The following ITGBL1 variants were observed in gnomAD, a reference collection of about 807,000 sequenced individuals.
ITGBL1 encodes the protein integrin beta-like protein 1.
In ITGBL1, 51 loss-of-function variants were observed where a neutral mutation model predicts 68.5. The observed-to-expected ratio is 0.74, with a 90% CI of 0.59 to 0.94. ITGBL1 has a LOEUF of 0.94. Among genes scored for constraint, ITGBL1 ranks in the 40% least tolerant of loss-of-function variants. The pLI is 0.00. For synonymous variants in ITGBL1, 209 were observed against 227.3 expected (o/e 0.92, Z 0.72); for missense variants, 649 against 647.4 (o/e 1.00, Z -0.03).
chr13:101,634,819 G>A (rs1441426086), intron 7 of ITGBL1, among the ~76,000 whole-genome samples: 1 of 152,014 alleles, frequency 6.6e-6, no homozygotes, highest in Non-Finnish European at 1.5e-5. Context: ...TATTTGCAAG[G>A]GGCAGGGATA....
chr13:101,530,019 T>C (rs1325080654), intron 2 of ITGBL1, among the ~76,000 whole-genome samples: 2 of 152,094 alleles, frequency 1.3e-5, no homozygotes, highest in South Asian at 4.2e-4. Context: ...CTGTTATCTA[T>C]AAGGAAGAAC....
intron 7 of ITGBL1, among the ~76,000 whole-genome samples, chr13:101,616,681 G>A (rs1293455243): frequency 6.6e-6 from 1 of 152,070 alleles, no homozygotes; most frequent in East Asian, 1.9e-4. Context: ...AGTAGAGATG[G>A]GGTTTCACCA....
chr13:101,652,358 G>A (rs7327971), intron 7 of ITGBL1, among the ~76,000 whole-genome samples: 41,415 of 151,942 alleles, frequency 0.27, 6,341 homozygotes, highest in Non-Finnish European at 0.35. Flanking sequence ...CCTTATGTAA[G>A]TTACCTAAAC....
chr13:101,530,683 G>A (rs1257587149), intron 2 of ITGBL1, among the ~76,000 whole-genome samples: 2 of 151,742 alleles, frequency 1.3e-5, no homozygotes, highest in Admixed American at 6.6e-5. Context: ...GAATATGTTT[G>A]GTAATTTACA....
intron 4 of ITGBL1, among the ~76,000 whole-genome samples, chr13:101,578,147 A>G (rs2139277497): frequency 6.6e-6 from 1 of 152,276 alleles, no homozygotes; most frequent in African/African-American, 2.4e-5. Context: ...ATACCAGAAT[A>G]TTCTGTTGTA....
rs2048200314 is a variant in ITGBL1, at chr13:101,453,941, G to T, written c.157G>T (p.Ala53Ser). ...GGCCGAGTCGGAGCGACGCTGCCGC[G>T]CACCTGGGCAGCCCCCGGGGGCCGC... ...SRAESERRCRAPGQPPGAALC... is the reference protein window; with the variant it reads ...SRAESERRCRSPGQPPGAALC... The change falls in exon 2 of 11, where the codon GCA becomes TCA. Residue 53 changes from alanine (A) to serine (S), a missense_variant. By Grantham distance (99) the Ala-to-Ser change is moderately conservative. Coordinates refer to ENST00000376180, the MANE Select transcript of ITGBL1 (RefSeq NM_004791.3). 2.1e-6 allele frequency: 3 copies of T among 1,418,364 alleles called. No homozygotes were observed. The highest frequency in any genetic ancestry group is 2.8e-6 in the Non-Finnish European group (3 of 1,079,306). 87.9% of individuals were successfully genotyped at this position (1,418,364 alleles called of 1,614,324 possible).
chr13:101,492,697 CT>C (rs2048797677), intron 2 of ITGBL1, among the ~76,000 whole-genome samples: 1 of 152,128 alleles, frequency 6.6e-6, no homozygotes, highest in African/African-American at 2.4e-5. Context: ...CCTTGCTGCC[CT>C]CCTTGGAATT....
intron 7 of ITGBL1, among the ~76,000 whole-genome samples, chr13:101,683,588 C>T (rs775816236): frequency 1.8e-4 from 27 of 151,892 alleles, no homozygotes; most frequent in Non-Finnish European, 3.2e-4. Context: ...AGGGAACTTA[C>T]CCAAGAATTA....
intron 7 of ITGBL1, among the ~76,000 whole-genome samples, chr13:101,658,937 T>G (rs1457430353): frequency 6.6e-6 from 1 of 151,776 alleles, no homozygotes; most frequent in Non-Finnish European, 1.5e-5. Context: ...GACACCATGG[T>G]GTACATTTTA....
At chr13:101,620,554 A>C (rs1461010306) in intron 7 of ITGBL1, among the ~76,000 whole-genome samples, 8 of 152,124 alleles carry the variant, frequency 5.3e-5, no homozygotes. Flanking sequence ...TATTTCTAGA[A>C]GGCATTTCTA....
chr13:101,471,501 C>T (rs2048456176), intron 2 of ITGBL1, among the ~76,000 whole-genome samples: 1 of 146,326 alleles, frequency 6.8e-6, no homozygotes, highest in Non-Finnish European at 1.5e-5. Flanking sequence ...AAAGGCAACA[C>T]AAATATATAT....
At chr13:101,470,586 A>G (rs946198288) in intron 2 of ITGBL1, among the ~76,000 whole-genome samples, 4 of 152,126 alleles carry the variant, frequency 2.6e-5, no homozygotes, top group Non-Finnish European at 5.9e-5. Context: ...GTTATCAAAA[A>G]CCATAATAGT....
chr13:101,630,539 A>G (rs936376383), intron 7 of ITGBL1, among the ~76,000 whole-genome samples: 2 of 152,112 alleles, frequency 1.3e-5, no homozygotes, highest in Non-Finnish European at 2.9e-5. Flanking sequence ...GTATACTTCA[A>G]TGGTTTCTTC....
At chr13:101,607,615 G>GA (rs11435156) in intron 7 of ITGBL1, among the ~76,000 whole-genome samples, 2,200 of 151,480 alleles carry the variant, frequency 0.015, 26 homozygotes, top group Non-Finnish European at 0.022. Flanking sequence ...AGGTTTAAAT[G>GA]AAAAAAAATA....
Position 101,552,742 on chromosome 13 carries a change from T to G in ITGBL1, c.317-14957T>G, listed in dbSNP as rs148826231. On this transcript the variant is annotated intron_variant, in intron 2 of 10. Coordinates refer to ENST00000376180, the MANE Select transcript of ITGBL1 (RefSeq NM_004791.3). ...AAATGTTTGTTAATTTTGAACTGAG[T>G]GAGAAGGAAAGAAAAATAAATTATT... 4.8e-4 allele frequency among the ~76,000 whole-genome samples: 73 copies of G among 152,226 alleles called. 3 individuals are homozygous for G. The East Asian group carries it at 0.014, about 29-fold the overall frequency.
chr13:101,514,562 C>A (rs1046187773), intron 2 of ITGBL1, among the ~76,000 whole-genome samples: 3 of 152,094 alleles, frequency 2.0e-5, no homozygotes, highest in Non-Finnish European at 2.9e-5. Flanking sequence ...AGCTACTCTA[C>A]AAATGATGAG....
At chr13:101,640,196 A>G (rs936017336) in intron 7 of ITGBL1, among the ~76,000 whole-genome samples, 3 of 152,238 alleles carry the variant, frequency 2.0e-5, no homozygotes, top group Admixed American at 6.5e-5. Context: ...AGTATAAAGC[A>G]TTCAGGATTT....
intron 7 of ITGBL1, among the ~76,000 whole-genome samples, chr13:101,682,998 GA>G (rs1319990335): frequency 6.6e-6 from 1 of 152,050 alleles, no homozygotes; most frequent in Non-Finnish European, 1.5e-5. Context: ...TGAAGTAAAG[GA>G]AATGAATATT....
intron 7 of ITGBL1, among the ~76,000 whole-genome samples, chr13:101,655,944 C>G (rs76178839): frequency 6.6e-6 from 1 of 151,948 alleles, no homozygotes; most frequent in Non-Finnish European, 1.5e-5. Context: ...GAACATGTGT[C>G]GAAGGTACAG....
Sources: gnomAD v4.1 joint callset for allele counts (sites outside exome capture counted in the v4.1 genomes callset) on GRCh38, gnomAD v4.1.1 for gene constraint, MANE v1.5 for transcripts, NCBI Gene and HGNC (gene_info 2026-07-23, HGNC 2026-07-21) for gene names.